The following PCDH9 variants were observed in gnomAD, a reference collection of about 807,000 sequenced individuals.
The protein encoded by PCDH9 is protocadherin-9.
A neutral mutation model predicts 70.6 loss-of-function variants in PCDH9; 24 were observed. The ratio of observed to expected loss-of-function variants is 0.34; its 90% CI spans 0.25 to 0.48. PCDH9 has a LOEUF of 0.48. Among genes scored for constraint, PCDH9 ranks in the 20% least tolerant of loss-of-function variants. The probability of loss-of-function intolerance (pLI) is 0.99; values close to 1 mark genes in which losing one functional copy is unlikely to be tolerated. For missense variants in PCDH9, 1,281 were observed against 1,503.6 expected (o/e 0.85, Z 2.45); for synonymous variants, 562 against 558.5 (o/e 1.01, Z -0.09).
At chr13:66,616,578 G>A (rs1034939799) in intron 4 of PCDH9, among the ~76,000 whole-genome samples, 1 of 147,402 alleles carries the variant, frequency 6.8e-6, no homozygotes, top group African/African-American at 2.5e-5. Context: ...AGCTCAGAAA[G>A]AACAAGAGGA....
At chr13:66,750,313 C>T (rs1256306462) in intron 3 of PCDH9, among the ~76,000 whole-genome samples, 1 of 152,078 alleles carries the variant, frequency 6.6e-6, no homozygotes, top group African/African-American at 2.4e-5. Context: ...TCAGCAAACA[C>T]ATATAGAAAA....
chr13:66,480,114 A>G (rs1958811205), intron 4 of PCDH9, among the ~76,000 whole-genome samples: 1 of 152,142 alleles, frequency 6.6e-6, no homozygotes, highest in African/African-American at 2.4e-5. Flanking sequence ...CTAACACAAT[A>G]CCAACATTAA....
At chr13:66,624,465 G>T (rs2138913560) in intron 4 of PCDH9, among the ~76,000 whole-genome samples, 1 of 152,278 alleles carries the variant, frequency 6.6e-6, no homozygotes, top group South Asian at 2.1e-4. Context: ...GTGTGCTCTA[G>T]GTCTTGGATA....
intron 4 of PCDH9, among the ~76,000 whole-genome samples, chr13:66,405,963 G>A (rs1211996858): frequency 6.6e-6 from 1 of 152,156 alleles, no homozygotes; most frequent in Non-Finnish European, 1.5e-5. Flanking sequence ...AGTCAGGGAG[G>A]AGGTGATGCT....
chr13:66,736,299 G>A (rs1180081816), intron 3 of PCDH9, among the ~76,000 whole-genome samples: 1 of 152,076 alleles, frequency 6.6e-6, no homozygotes, highest in Non-Finnish European at 1.5e-5. Flanking sequence ...ATGCTATAAG[G>A]CTGGGTCCTA....
chr13:66,626,605 A>C (rs1283678393), intron 4 of PCDH9, among the ~76,000 whole-genome samples: 1 of 152,172 alleles, frequency 6.6e-6, no homozygotes, highest in East Asian at 1.9e-4. Context: ...AAAGAACCGA[A>C]GTTTCTGTCA....
chr13:67,099,985 C>A (rs1292078902), intron 2 of PCDH9, among the ~76,000 whole-genome samples: 1 of 152,152 alleles, frequency 6.6e-6, no homozygotes, highest in Non-Finnish European at 1.5e-5. Context: ...CAAACACACT[C>A]TTCCTCGTGA....
intron 2 of PCDH9, among the ~76,000 whole-genome samples, chr13:67,020,102 T>C (rs1265541871): frequency 1.3e-5 from 2 of 152,214 alleles, no homozygotes; most frequent in Non-Finnish European, 2.9e-5. Flanking sequence ...TCAAGTTACA[T>C]TATATTTTTC....
At chr13:66,852,509 T>C (rs998438945) in intron 3 of PCDH9, among the ~76,000 whole-genome samples, 1 of 152,156 alleles carries the variant, frequency 6.6e-6, no homozygotes, top group Non-Finnish European at 1.5e-5. Context: ...ATATGTATAA[T>C]CTCTCATTTT....
intron 2 of PCDH9, among the ~76,000 whole-genome samples, chr13:67,032,203 G>A (rs1317388271): frequency 2.6e-5 from 4 of 152,152 alleles, no homozygotes; most frequent in Non-Finnish European, 5.9e-5. Context: ...GAGTGCAGTG[G>A]CACAATCATG....
At chr13:67,090,112 A>G (rs1024273149) in intron 2 of PCDH9, among the ~76,000 whole-genome samples, 1 of 152,054 alleles carries the variant, frequency 6.6e-6, no homozygotes, top group African/African-American at 2.4e-5. Context: ...GGAAAACAAA[A>G]TAAGTATTTA....
In PCDH9 at chr13:66,315,577, G is replaced by A. The variant is rs141839294; in HGVS notation, c.3341-10549C>T. Among the ~76,000 whole-genome samples, 503 of 152,260 alleles carry A rather than the reference G, an allele frequency of 3.3e-3. 2 individuals carry two copies. Among genetic ancestry groups the A allele is most frequent in the African/African-American group, 0.012 (482 of 41,564 alleles). ...GCTCACTGCAAGCTCTGTTCCCCAG[G>A]TTCAAGTGATTCTCCTGCCTCCGCC... On this transcript the variant is annotated intron_variant, in intron 4 of 4. Coordinates refer to ENST00000377865, the MANE Select transcript of PCDH9 (RefSeq NM_203487.3).
intron 2 of PCDH9, among the ~76,000 whole-genome samples, chr13:67,176,227 G>A (rs1349746829): frequency 5.9e-5 from 9 of 152,138 alleles, no homozygotes; most frequent in African/African-American, 1.9e-4. Context: ...AACTCAAAAA[G>A]AGCGGTGATG....
Position 66,878,615 on chromosome 13 carries a change from C to G in PCDH9, c.3138+24889G>C, listed in dbSNP as rs1299483175. 5.9e-5 allele frequency among the ~76,000 whole-genome samples: 9 copies of G among 152,110 alleles called. No homozygotes were observed. In the South Asian group the frequency reaches 1.2e-3, roughly 21 times the overall value. On this transcript the variant is annotated intron_variant, in intron 3 of 4. Coordinates refer to ENST00000377865, the MANE Select transcript of PCDH9 (RefSeq NM_203487.3). Reference sequence around the variant, plus strand: ...TAATGGAGAATGATGTTGGGTACAACGGTGGAGACAGAAAATGAACAACTA... The same window carrying G: ...TAATGGAGAATGATGTTGGGTACAAGGGTGGAGACAGAAAATGAACAACTA...
chr13:67,191,923 T>C (rs2088925359), intron 2 of PCDH9, among the ~76,000 whole-genome samples: 2 of 152,144 alleles, frequency 1.3e-5, no homozygotes, highest in African/African-American at 4.8e-5. Context: ...TTTAGTACTC[T>C]GATTTCTTAT....
chr13:66,950,189 T>C (rs918711875), intron 2 of PCDH9, among the ~76,000 whole-genome samples: 1 of 152,146 alleles, frequency 6.6e-6, no homozygotes, highest in Non-Finnish European at 1.5e-5. Flanking sequence ...TGGTTGTATA[T>C]GCTCCAATTT....
intron 4 of PCDH9, among the ~76,000 whole-genome samples, chr13:66,418,296 T>G (rs1957497444): frequency 6.6e-6 from 1 of 152,214 alleles, no homozygotes; most frequent in Non-Finnish European, 1.5e-5. Context: ...TGGTCAGGTT[T>G]GTCAAAGATC....
chr13:67,124,040 G>A (rs534109606), intron 2 of PCDH9, among the ~76,000 whole-genome samples: 4 of 152,134 alleles, frequency 2.6e-5, no homozygotes, highest in East Asian at 1.9e-4. Context: ...TGAATCATTC[G>A]TTGTAATTTG....
chr13:67,048,640 T>A (rs148502079), intron 2 of PCDH9, among the ~76,000 whole-genome samples: 64 of 152,318 alleles, frequency 4.2e-4, no homozygotes, highest in African/African-American at 1.5e-3. Context: ...AGAACAAATG[T>A]GAGCTGAATG....
Sources: allele counts gnomAD v4.1 joint callset (sites outside exome capture counted in the v4.1 genomes callset), GRCh38; gene constraint gnomAD v4.1.1; transcripts MANE v1.5; gene names NCBI Gene and HGNC (gene_info 2026-07-23, HGNC 2026-07-21).